Variants in ABCC1 observed in about 807,000 individuals in gnomAD.
ABCC1 encodes the protein ATP binding cassette subfamily C member 1 (ABCC1 blood group).
Under a neutral mutation model 172.9 loss-of-function variants are expected in ABCC1, and 83 were observed. That is an observed-to-expected ratio of 0.48 (90% CI 0.40 to 0.58). ABCC1 has a LOEUF of 0.58. ABCC1 is among the 20% of genes least tolerant of loss of function. ABCC1 has a pLI of 0.00. For missense variants in ABCC1, 1,817 were observed against 2,002.7 expected (o/e 0.91, Z 1.77); for synonymous variants, 937 against 825.2 (o/e 1.14, Z -2.32).
At chr16:16,093,385 G>A (rs1334402336) in intron 19 of ABCC1, among the ~76,000 whole-genome samples, 3 of 149,664 alleles carry the variant, frequency 2.0e-5, no homozygotes, top group Non-Finnish European at 3.0e-5. Context: ...CCGCACCCCC[G>A]CCTTTCTTTC....
At chr16:16,053,774 CAAAAAAAAAAAAAAAAAAAAAAA>C (rs10526186) in intron 11 of ABCC1, among the ~76,000 whole-genome samples, 36 of 36,218 alleles carry the variant, frequency 9.9e-4, no homozygotes, top group Admixed American at 4.8e-3. Flanking sequence ...GACCCTGTCT[CAAAAAAAAAAAAAAAAAAAAAAA>C]AAAAAAAAAA....
In ABCC1 at chr16:16,033,152, C is replaced by G. The variant is rs1186656678; in HGVS notation, c.659C>G (p.Thr220Ser). ...ESSASFLSRITFWWITGLIVR... is the reference protein window; with the variant it reads ...ESSASFLSRISFWWITGLIVR... ...AGCGCTTCCTTCCTGTCGAGGATCA[C>G]CTTCTGGTGGATCACAGGGTAAGGC... The change falls in exon 6 of 31, where the codon ACC becomes AGC. Residue 220 changes from threonine to serine, a missense_variant. Thr to Ser is a moderately conservative substitution (Grantham distance 58). Transcript: ENST00000399410. 4 of 1,614,198 alleles carry G rather than the reference C, an allele frequency of 2.5e-6. No homozygotes were observed. In the East Asian group the frequency reaches 6.7e-5, roughly 27 times the overall value.
intron 15 of ABCC1, 39 bp downstream of exon 15, chr16:16,076,440 A>T: frequency 1.3e-6 from 2 of 1,545,334 alleles, no homozygotes; most frequent in Non-Finnish European, 1.8e-6. Context: ...GTGTGGAGAG[A>T]GCCACAGGGC....
chr16:16,009,844 G>T lies in ABCC1; in HGVS notation c.294G>T (p.Arg98=). 1 of 1,611,822 alleles carries T rather than the reference G, an allele frequency of 6.2e-7. No homozygotes were observed. Among genetic ancestry groups the T allele is most frequent in the Non-Finnish European group, 8.5e-7 (1 of 1,179,190 alleles). The change falls in exon 3 of 31, where the codon CGG becomes CGT. Residue 98 remains arginine, a synonymous_variant. Coordinates refer to ENST00000399410, the MANE Select transcript of ABCC1 (RefSeq NM_004996.4). ...DLFYSFWERS[R]GIFLAPVFLV... ...TCTACTCTTTCTGGGAAAGAAGTCG[G>T]GGCATATTCCTGGCCCCAGTGTTTC... is the stretch of plus-strand genomic sequence containing the variant.
chr16:16,112,951 G>T (rs1318367433), intron 22 of ABCC1, among the ~76,000 whole-genome samples: 3 of 152,184 alleles, frequency 2.0e-5, no homozygotes, highest in African/African-American at 7.2e-5. Context: ...TGGCAGCATT[G>T]GCTCCAGAGC....
chr16:15,970,725 G>A (rs373921557), intron 1 of ABCC1, among the ~76,000 whole-genome samples: 1 of 152,032 alleles, frequency 6.6e-6, no homozygotes, highest in Non-Finnish European at 1.5e-5. Context: ...TCTAAGACAG[G>A]GATATTTACA....
chr16:16,039,819 G>A (rs1424265278), intron 7 of ABCC1, among the ~76,000 whole-genome samples: 1 of 152,154 alleles, frequency 6.6e-6, no homozygotes, highest in African/African-American at 2.4e-5. Flanking sequence ...TCTGGGGAAG[G>A]AAGGGCTTTC....
chr16:15,995,977 GTTTTTTTTTT>G (rs565769136), intron 1 of ABCC1, among the ~76,000 whole-genome samples: 12,086 of 98,860 alleles, frequency 0.12, 640 homozygotes, highest in Middle Eastern at 0.31. Context: ...GCCCAGCTAA[GTTTTTTTTTT>G]TTTTTTTTTT....
At chr16:16,069,189 TAAATAAATAAATAAATAAATAA>T (rs2050235486) in intron 13 of ABCC1, among the ~76,000 whole-genome samples, 2 of 144,606 alleles carry the variant, frequency 1.4e-5, no homozygotes, top group South Asian at 4.3e-4. Context: ...AATAAATAAA[TAAATAAATAAATAAATAAATAA>T]ATATGTTTGA....
At chr16:16,037,449 A>T (rs906050837) in intron 7 of ABCC1, among the ~76,000 whole-genome samples, 4 of 152,118 alleles carry the variant, frequency 2.6e-5, no homozygotes, top group Admixed American at 2.0e-4. Context: ...AGACACCATT[A>T]GTTGCGTGAT....
chr16:16,125,027 T>C, intron 25 of ABCC1, 112 bp downstream of exon 25: 1 of 1,515,134 alleles, frequency 6.6e-7, no homozygotes, highest in Non-Finnish European at 9.0e-7. Flanking sequence ...ACTTGAGAGG[T>C]ACGGAGTTTG....
intron 22 of ABCC1, among the ~76,000 whole-genome samples, chr16:16,112,254 T>C (rs952327686): frequency 2.0e-5 from 3 of 151,994 alleles, no homozygotes; most frequent in African/African-American, 7.2e-5. Flanking sequence ...CTCAGCTACT[T>C]GGGCAGCTGA....
intron 5 of ABCC1, among the ~76,000 whole-genome samples, chr16:16,032,248 G>A (rs989039670): frequency 4.6e-5 from 7 of 152,144 alleles, no homozygotes; most frequent in Non-Finnish European, 8.8e-5. Context: ...CTCGGTCTCC[G>A]AAAGTGCTGG....
intron 5 of ABCC1, among the ~76,000 whole-genome samples, chr16:16,020,561 T>C: frequency 6.6e-6 from 1 of 151,830 alleles, no homozygotes; most frequent in East Asian, 1.9e-4. Flanking sequence ...AGCAGTGGAG[T>C]TGTGTAGTTG....
chr16:15,967,401 G>C (rs950367837), intron 1 of ABCC1, among the ~76,000 whole-genome samples: 3 of 151,948 alleles, frequency 2.0e-5, no homozygotes, highest in Admixed American at 6.6e-5. Context: ...TCTGAAATTG[G>C]ACTGATATGT....
intron 1 of ABCC1, among the ~76,000 whole-genome samples, chr16:15,963,095 T>C (rs1002827074): frequency 2.0e-5 from 3 of 152,220 alleles, no homozygotes; most frequent in African/African-American, 7.2e-5. Flanking sequence ...TGGGAGAAAT[T>C]GGCCAAAACA....
chr16:16,078,710 G>A (rs1425705209), intron 15 of ABCC1, among the ~76,000 whole-genome samples: 1 of 152,100 alleles, frequency 6.6e-6, no homozygotes, highest in Admixed American at 6.6e-5. Flanking sequence ...AGAGTCTCAC[G>A]CTCTTGCCCA....
At chr16:16,007,569 A>G (rs2047591277) in intron 1 of ABCC1, among the ~76,000 whole-genome samples, 2 of 152,112 alleles carry the variant, frequency 1.3e-5, no homozygotes, top group African/African-American at 2.4e-5. Context: ...ATTTATTTTG[A>G]GACAGGGTCT....
intron 13 of ABCC1, among the ~76,000 whole-genome samples, chr16:16,071,402 G>A (rs984457479): frequency 2.0e-4 from 30 of 151,794 alleles, no homozygotes; most frequent in Middle Eastern, 3.4e-3. Flanking sequence ...CCAGCCATTC[G>A]CCCATTTTTT....
Sources: gnomAD v4.1 joint callset for allele counts (sites outside exome capture counted in the v4.1 genomes callset) on GRCh38, gnomAD v4.1.1 for gene constraint, MANE v1.5 for transcripts, NCBI Gene and HGNC (gene_info 2026-07-23, HGNC 2026-07-21) for gene names.